The following ADGRD1 variants were observed in gnomAD, a reference collection of about 807,000 sequenced individuals.
The protein encoded by ADGRD1 is G-protein coupled receptor 133.
A neutral mutation model predicts 113.4 loss-of-function variants in ADGRD1; 77 were observed. That is an observed-to-expected ratio of 0.68 (90% CI 0.57 to 0.82). ADGRD1 has a LOEUF of 0.82. Ranked by LOEUF, ADGRD1 falls within the 40% of genes least tolerant of loss-of-function variation. The probability of loss-of-function intolerance (pLI) is 0.00; values close to 1 mark genes in which losing one functional copy is unlikely to be tolerated. For synonymous variants in ADGRD1, 474 were observed against 475.0 expected (o/e 1.00, Z 0.03); for missense variants, 1,036 against 1,139.1 (o/e 0.91, Z 1.30).
chr12:131,014,634 T>A (rs1400747848), intron 13 of ADGRD1, among the ~76,000 whole-genome samples: 1 of 152,292 alleles, frequency 6.6e-6, no homozygotes. Context: ...TTATAACAAG[T>A]GTCCTTACTG....
chr12:131,062,382 A>C (rs1884403253), intron 13 of ADGRD1, among the ~76,000 whole-genome samples: 1 of 152,174 alleles, frequency 6.6e-6, no homozygotes, highest in African/African-American at 2.4e-5. Context: ...GCTGTGAACA[A>C]TTGTGGACGG....
chr12:130,981,114 C>A (rs534564838), intron 4 of ADGRD1: 1 of 152,304 alleles, frequency 6.6e-6, no homozygotes, highest in African/African-American at 2.4e-5. Flanking sequence ...GTGTGCTTCC[C>A]TTTGGCAAGA....
At chr12:131,034,413 C>T (rs1332727775) in intron 13 of ADGRD1, among the ~76,000 whole-genome samples, 2 of 152,232 alleles carry the variant, frequency 1.3e-5, no homozygotes, top group Non-Finnish European at 2.9e-5. Flanking sequence ...CCTCGCCAGC[C>T]ACTCGCCACA....
At chr12:131,126,805 C>T (rs1950746699) in intron 20 of ADGRD1, among the ~76,000 whole-genome samples, 2 of 152,188 alleles carry the variant, frequency 1.3e-5, no homozygotes, top group Non-Finnish European at 2.9e-5. Flanking sequence ...GCTGGAATAT[C>T]CATGGTACTC....
In ADGRD1 at chr12:130,954,749, G is replaced by C; in HGVS notation, c.103+89G>C. 1 of 1,304,900 alleles carries C rather than the reference G, an allele frequency of 7.7e-7. No individual in the cohort carries two copies. The highest frequency in any genetic ancestry group is 1.1e-6 in the Non-Finnish European group (1 of 902,512). 80.8% of individuals were successfully genotyped at this position (1,304,900 alleles called of 1,614,324 possible). A position where few individuals can be genotyped will look rare whatever the true frequency, so the allele number is the denominator to read the frequency against. ...AACAGCCCACTTGTTCATCTCTGAG[G>C]CATCAGCGAATGGCCCTTGTTGGGC... On this transcript the variant is annotated intron_variant, in intron 2 of 24. Transcript: ENST00000261654. This position sits in a 1 kb window ranked among gnomAD's most constrained non-coding sequence, Gnocchi z 4.7.
At position 131,027,964 on chromosome 12, in the gene ADGRD1, G is replaced by C. The variant is rs1880164039; in HGVS notation, c.1473+13624G>C. On this transcript the variant is annotated intron_variant, in intron 13 of 24. Transcript: ENST00000261654. This position sits in a 1 kb window ranked among gnomAD's most constrained non-coding sequence, Gnocchi z 5.1. Reference sequence around the variant, plus strand: ...TGTTCTAGTGAGCGCGTTTCTGCTGGTGAACCTGACTGTGCCCTTCTTTGT... The same window carrying C: ...TGTTCTAGTGAGCGCGTTTCTGCTGCTGAACCTGACTGTGCCCTTCTTTGT... The C allele has an allele frequency of 6.6e-6, 1 of 152,242 alleles. No homozygotes were observed. The highest frequency in any genetic ancestry group is 1.5e-5 in the Non-Finnish European group (1 of 68,064). 9.4% of individuals were successfully genotyped at this position (152,242 alleles called of 1,614,324 possible). A position where few individuals can be genotyped will look rare whatever the true frequency, so the allele number is the denominator to read the frequency against.
At chr12:131,102,384 A>G in intron 15 of ADGRD1, among the ~76,000 whole-genome samples, 1 of 152,228 alleles carries the variant, frequency 6.6e-6, no homozygotes, top group Non-Finnish European at 1.5e-5. Flanking sequence ...TTTGCCAAAC[A>G]TACTCGGCAG....
chr12:131,070,846 C>G, intron 13 of ADGRD1: 1 of 519,022 alleles, frequency 1.9e-6, no homozygotes, highest in Middle Eastern at 3.2e-4. Context: ...AGTGCCCTGC[C>G]CATGTGGTCA....
chr12:131,078,675 T>G lies in ADGRD1; in HGVS notation c.1547+1801T>G, dbSNP rs527323415. Among the ~76,000 whole-genome samples, 10 of 152,250 alleles carry G rather than the reference T, an allele frequency of 6.6e-5. No individual in the cohort carries two copies. The South Asian group carries it at 1.9e-3, about 28-fold the overall frequency. On this transcript the variant is annotated intron_variant, in intron 14 of 24. Coordinates refer to ENST00000261654, the MANE Select transcript of ADGRD1 (RefSeq NM_198827.5). Reference sequence around the variant, plus strand: ...AATGCAGGTACCCATTGCCCCAAATTTATAGTTATTAGCATGTTTATATTT... The same window carrying G: ...AATGCAGGTACCCATTGCCCCAAATGTATAGTTATTAGCATGTTTATATTT...
chr12:130,971,484 G>A lies in ADGRD1; in HGVS notation c.214G>A (p.Gly72Ser). 6.2e-7 allele frequency: 1 copy of A among 1,613,416 alleles called. No homozygotes were observed. Among genetic ancestry groups the A allele is most frequent in the Non-Finnish European group, 8.5e-7 (1 of 1,179,660 alleles). ...TATTGTGGAAGGGAAGGTCAACAAA[G>A]GCATTTACCTGAAAGAGGAAAAGGG... ...GDIVEGKVNKGIYLKEEKGVT... is the reference protein window; with the variant it reads ...GDIVEGKVNKSIYLKEEKGVT... The change falls in exon 4 of 25, where the codon GGC (glycine) becomes AGC (serine). Residue 72 changes from glycine (G) to serine (S), a missense_variant. Transcript: ENST00000261654. The surrounding 1 kb of genome is among the most constrained non-coding windows in gnomAD (Gnocchi z 4.2).
Position 131,139,414 on chromosome 12 carries a change from T to C in ADGRD1, c.*151T>C, listed in dbSNP as rs568703835. 5.4e-5 allele frequency: 34 copies of C among 624,162 alleles called. No individual in the cohort carries two copies. The highest frequency in any genetic ancestry group is 5.1e-4 in the African/African-American group (28 of 55,238). The allele number at this position is 624,162 out of a possible 1,614,324, so 38.7% of individuals were successfully genotyped here. A position where few individuals can be genotyped will look rare whatever the true frequency, so the allele number is the denominator to read the frequency against. The stretch of plus-strand genomic sequence containing the variant: ...AGACAGCTGTCCTCCCCTGTGACTC[T>C]GGCTGTCGGAGCACACTGCTCAGCC... On this transcript the variant is annotated 3_prime_UTR_variant, in exon 25 of 25. Transcript: ENST00000261654.
Position 130,987,434 on chromosome 12 carries a change from C to T in ADGRD1, c.745+85C>T, listed in dbSNP as rs982532073. ...TCGGCCTCCTTTCTCCCCACTCTCC[C>T]GTTGCAGCTATCAGCACTGCAGGCG... On this transcript the variant is annotated intron_variant, in intron 6 of 24. Transcript: ENST00000261654. 17 of 1,510,180 alleles carry T rather than the reference C, an allele frequency of 1.1e-5. No individual in the cohort carries two copies. In the Admixed American group the frequency reaches 2.4e-4, roughly 22 times the overall value. The allele number at this position is 1,510,180 out of a possible 1,614,324, so 93.5% of individuals were successfully genotyped here.
At chr12:130,967,003 G>A (rs1416952206) in intron 3 of ADGRD1, 1 of 455,460 alleles carries the variant, frequency 2.2e-6, no homozygotes, top group Non-Finnish European at 4.4e-6. Context: ...TGATTAAAAT[G>A]TGCATTTTCC....
intron 13 of ADGRD1, among the ~76,000 whole-genome samples, chr12:131,038,032 T>C (rs1006140846): frequency 6.6e-6 from 1 of 151,334 alleles, no homozygotes; most frequent in African/African-American, 2.4e-5. Context: ...CCTCACTCAC[T>C]ACACCAGGCC....
At chr12:131,134,751 C>G (rs1388537211) in intron 21 of ADGRD1, among the ~76,000 whole-genome samples, 1 of 152,214 alleles carries the variant, frequency 6.6e-6, no homozygotes, top group Non-Finnish European at 1.5e-5. Flanking sequence ...GGGGAGGTGC[C>G]AGATCTGTGT....
At chr12:131,033,736 G>C (rs1211182555) in intron 13 of ADGRD1, among the ~76,000 whole-genome samples, 1 of 152,200 alleles carries the variant, frequency 6.6e-6, no homozygotes, top group Non-Finnish European at 1.5e-5. Context: ...GGTCCCTGGA[G>C]CAGGTGCCCA....
At chr12:131,111,072 C>T (rs1950335224) in intron 18 of ADGRD1, among the ~76,000 whole-genome samples, 2 of 151,390 alleles carry the variant, frequency 1.3e-5, no homozygotes, top group South Asian at 4.2e-4. Flanking sequence ...TCTGATGTGT[C>T]TGGGTGTGTA....
intron 20 of ADGRD1, among the ~76,000 whole-genome samples, chr12:131,125,047 A>G (rs1317178660): frequency 1.3e-5 from 2 of 152,218 alleles, no homozygotes; most frequent in East Asian, 1.9e-4. Context: ...GTGTCCTCAC[A>G]TGCTTTTCCC....
chr12:130,956,132 G>A (rs1157695293), intron 2 of ADGRD1, among the ~76,000 whole-genome samples: 1 of 152,232 alleles, frequency 6.6e-6, no homozygotes, highest in Non-Finnish European at 1.5e-5. Context: ...ACTCAGGCCA[G>A]CACTGTGGGC....
Sources: allele counts gnomAD v4.1 joint callset (sites outside exome capture counted in the v4.1 genomes callset), GRCh38; gene constraint gnomAD v4.1.1; non-coding constraint Gnocchi (gnomAD v3.1); transcripts MANE v1.5; gene names NCBI Gene and HGNC (gene_info 2026-07-23, HGNC 2026-07-21).